MYO1E: variants seen among roughly 807,000 people sequenced by gnomAD.
MYO1E encodes the protein unconventional myosin-Ie.
MYO1E carries 68 observed loss-of-function variants against 151.1 expected under a neutral mutation model. The observed-to-expected ratio is 0.45, with a 90% CI of 0.37 to 0.55. The LOEUF (loss-of-function observed/expected upper bound fraction) is 0.55. MYO1E is among the 20% of genes least tolerant of loss of function. The probability of loss-of-function intolerance (pLI) is 0.00; values close to 1 mark genes in which losing one functional copy is unlikely to be tolerated. For synonymous variants in MYO1E, 601 were observed against 501.7 expected (o/e 1.20, Z -2.64); for missense variants, 1,363 against 1,389.3 (o/e 0.98, Z 0.30).
chr15:59,249,705 C>A (rs2080152551), intron 4 of MYO1E, among the ~76,000 whole-genome samples: 1 of 152,202 alleles, frequency 6.6e-6, no homozygotes, highest in African/African-American at 2.4e-5. Flanking sequence ...GATTCCTAGT[C>A]TTTCCAGCCA....
chr15:59,162,812 T>C lies in MYO1E; in HGVS notation c.2627+345A>G, dbSNP rs545365016. 2.3e-4 allele frequency among the ~76,000 whole-genome samples: 35 copies of C among 152,248 alleles called. 1 individual carries two copies. Among genetic ancestry groups the C allele is most frequent in the African/African-American group, 8.4e-4 (35 of 41,566 alleles). ...CCCACCTCTGTCACTTTTATCTGCT[T>C]CCAGTGTGATTCTACTCCTGTCTGC... On this transcript the variant is annotated intron_variant, in intron 23 of 27. Transcript: ENST00000288235.
intron 1 of MYO1E, among the ~76,000 whole-genome samples, chr15:59,330,697 A>G (rs2080692741): frequency 6.6e-6 from 1 of 152,334 alleles, no homozygotes; most frequent in East Asian, 1.9e-4. Flanking sequence ...TATGAAAATC[A>G]TGTAGAACAG....
intron 26 of MYO1E, among the ~76,000 whole-genome samples, chr15:59,143,710 G>A (rs2079424515): frequency 6.6e-6 from 1 of 152,144 alleles, no homozygotes; most frequent in South Asian, 2.1e-4. Context: ...CAGGCTCCTG[G>A]GATTTCCTGC....
chr15:59,195,997 A>G (rs1596360315), intron 16 of MYO1E, among the ~76,000 whole-genome samples: 1 of 152,212 alleles, frequency 6.6e-6, no homozygotes, highest in African/African-American at 2.4e-5. Context: ...ATTTGTAAGG[A>G]TAAATCATCA....
rs2079373212 is a variant in MYO1E at position 59,136,416 on chromosome 15, G to A, written c.*964C>T. On this transcript the variant is annotated 3_prime_UTR_variant, in exon 28 of 28. Transcript: ENST00000288235. ...GAGGTGGGGGCAGGACGCGGAGTAA[G>A]TTTCCTATAGGGAAAGAGTTGAGAA... 5.5e-6 allele frequency: 1 copy of A among 181,480 alleles called. No homozygotes were observed. Among genetic ancestry groups the A allele is most frequent in the African/African-American group, 2.3e-5 (1 of 42,758 alleles). The allele number at this position is 181,480 out of a possible 1,614,324, so 11.2% of individuals were successfully genotyped here. A position where few individuals can be genotyped will look rare whatever the true frequency, so the allele number is the denominator to read the frequency against.
intron 1 of MYO1E, among the ~76,000 whole-genome samples, chr15:59,356,063 C>T (rs773358766): frequency 1.3e-5 from 2 of 152,162 alleles, no homozygotes; most frequent in Non-Finnish European, 2.9e-5. Flanking sequence ...AAATCACTGG[C>T]AACATATACA....
At chr15:59,139,099 T>G (rs1164464877) in intron 26 of MYO1E, among the ~76,000 whole-genome samples, 1 of 152,026 alleles carries the variant, frequency 6.6e-6, no homozygotes, top group African/African-American at 2.4e-5. Context: ...GCCATGAGAT[T>G]TGCTCCCCAT....
intron 1 of MYO1E, among the ~76,000 whole-genome samples, chr15:59,327,383 G>A (rs1012113874): frequency 7.3e-5 from 11 of 151,302 alleles, no homozygotes; most frequent in African/African-American, 2.7e-4. Flanking sequence ...CTGGAGTGCA[G>A]TGCCAGCCTC....
intron 2 of MYO1E, among the ~76,000 whole-genome samples, chr15:59,270,595 C>T (rs1338553251): frequency 6.7e-6 from 1 of 150,220 alleles, no homozygotes; most frequent in African/African-American, 2.4e-5. Context: ...CATTATATCC[C>T]ACAACTATAT....
At chr15:59,184,117 T>C (rs11637519) in intron 18 of MYO1E, among the ~76,000 whole-genome samples, 137,283 of 152,258 alleles carry the variant, frequency 0.9, 61,933 homozygotes, top group East Asian at 0.96. Context: ...AGCAATCCTT[T>C]CACCTCAGCC....
chr15:59,235,950 G>A (rs1185694807), intron 5 of MYO1E, among the ~76,000 whole-genome samples: 1 of 152,170 alleles, frequency 6.6e-6, no homozygotes, highest in Non-Finnish European at 1.5e-5. Context: ...TGTTTTGTGA[G>A]TAATTTATAT....
At chr15:59,231,363 C>T (rs752970543) in intron 6 of MYO1E, among the ~76,000 whole-genome samples, 5 of 152,194 alleles carry the variant, frequency 3.3e-5, no homozygotes, top group African/African-American at 7.2e-5. Flanking sequence ...TACCCCTCTA[C>T]TCTAGTTATT....
intron 2 of MYO1E, among the ~76,000 whole-genome samples, chr15:59,270,369 T>C (rs2080281986): frequency 2.0e-5 from 3 of 151,752 alleles, no homozygotes; most frequent in Admixed American, 1.3e-4. Flanking sequence ...CTGGGCAACA[T>C]GGTGAAACCC....
At chr15:59,306,811 G>A (rs1375041941) in intron 1 of MYO1E, among the ~76,000 whole-genome samples, 1 of 152,244 alleles carries the variant, frequency 6.6e-6, no homozygotes, top group Non-Finnish European at 1.5e-5. Context: ...CCAAGATGGT[G>A]AGGCACGCCT....
chr15:59,236,702 G>C, intron 4 of MYO1E, 30 bp from the exon 5 acceptor site: 1 of 1,548,348 alleles, frequency 6.5e-7, no homozygotes. Context: ...GAATCCACCT[G>C]AGAAGTGGAT....
intron 4 of MYO1E, among the ~76,000 whole-genome samples, chr15:59,248,486 C>A (rs1478057017): frequency 1.3e-3 from 74 of 57,000 alleles, no homozygotes; most frequent in Middle Eastern, 0.014. Flanking sequence ...GACTCCATCT[C>A]AAAAAAAAAA....
At chr15:59,222,418 T>C (rs1283783320) in intron 9 of MYO1E, among the ~76,000 whole-genome samples, 1 of 152,192 alleles carries the variant, frequency 6.6e-6, no homozygotes. Flanking sequence ...CAGCAGCACC[T>C]CTCTGTAGGA....
intron 19 of MYO1E, among the ~76,000 whole-genome samples, chr15:59,176,351 C>T (rs1423386694): frequency 3.9e-5 from 6 of 151,996 alleles, no homozygotes; most frequent in East Asian, 1.9e-4. Context: ...TGAGCCACTG[C>T]GCGCGGTTAT....
At chr15:59,233,016 C>G (rs1390273974) in intron 5 of MYO1E, among the ~76,000 whole-genome samples, 1 of 152,122 alleles carries the variant, frequency 6.6e-6, no homozygotes, top group Non-Finnish European at 1.5e-5. Context: ...ATACTCCCAA[C>G]CTGCCTACTC....
Sources: gnomAD v4.1 joint callset for allele counts (sites outside exome capture counted in the v4.1 genomes callset) on GRCh38, gnomAD v4.1.1 for gene constraint, MANE v1.5 for transcripts, NCBI Gene and HGNC (gene_info 2026-07-23, HGNC 2026-07-21) for gene names.